ANKRD26: variants seen among roughly 807,000 people sequenced by gnomAD.
The protein encoded by ANKRD26 is ankyrin repeat domain-containing protein 26.
A neutral mutation model predicts 208.7 loss-of-function variants in ANKRD26; 141 were observed. The observed-to-expected ratio is 0.68, with a 90% CI of 0.59 to 0.78. ANKRD26 has a LOEUF of 0.78. ANKRD26 is among the 30% of genes least tolerant of loss of function. ANKRD26 has a pLI of 0.00. For missense variants in ANKRD26, 1,889 were observed against 1,938.7 expected (o/e 0.97, Z 0.48); for synonymous variants, 636 against 660.4 (o/e 0.96, Z 0.57).
chr10:26,952,927 C>T, the ANKRD26 span, among the ~76,000 whole-genome samples: 19 of 152,192 alleles, frequency 1.2e-4, no homozygotes, highest in African/African-American at 4.1e-4. Context: ...CTTAGACAAA[C>T]GAAAAGAGCC....
At position 27,058,937 on chromosome 10, in the gene ANKRD26, C is replaced by T. The variant is rs566171518; in HGVS notation, c.1564+1408G>A. Among the ~76,000 whole-genome samples the T allele has an allele frequency of 3.4e-5, 5 of 148,962 alleles. No homozygotes were observed. In the South Asian group the frequency reaches 1.1e-3, roughly 32 times the overall value. ...TTGTTTTTTTGTTTTTTTTTTCAGA[C>T]GTTGTCTCGCTCTGTCACCCACACT... On this transcript the variant is annotated intron_variant, in intron 15 of 33. Transcript: ENST00000376087.
intron 27 of ANKRD26, among the ~76,000 whole-genome samples, chr10:27,027,177 C>T (rs2053688837): frequency 6.6e-6 from 1 of 152,226 alleles, no homozygotes; most frequent in African/African-American, 2.4e-5. Context: ...CTGTAATGTC[C>T]TGCTGGAGCA....
At position 27,035,605 on chromosome 10, in the gene ANKRD26, C is replaced by T. The variant is rs1422578039; in HGVS notation, c.2845G>A (p.Val949Ile). Residue 949 changes from valine to isoleucine, a missense_variant, in exon 24 of 34, where the codon GTA becomes ATA. By Grantham distance (29) the Val-to-Ile change is conservative. Coordinates refer to ENST00000376087, the MANE Select transcript of ANKRD26 (RefSeq NM_014915.3). ...TGAAGGTCTTCATTCTTTTCTTTTA[C>T]AATTTTAAGGTCCTCAAAACATTTC... The part of the protein sequence containing the change: ...EKKCFEDLKI[V>I]KEKNEDLQKT... 2 of 1,605,612 alleles carry T rather than the reference C, an allele frequency of 1.2e-6. No individual in the cohort carries two copies. The highest frequency in any genetic ancestry group is 1.7e-6 in the Non-Finnish European group (2 of 1,177,304).
chr10:27,041,763 C>T (rs2054247596), intron 20 of ANKRD26, among the ~76,000 whole-genome samples: 1 of 151,652 alleles, frequency 6.6e-6, no homozygotes, highest in Non-Finnish European at 1.5e-5. Flanking sequence ...AATATATAAG[C>T]CCCCAAAGAG....
chr10:26,986,607 T>A (rs2052392438), intron 3 of ANKRD26, among the ~76,000 whole-genome samples: 1 of 151,606 alleles, frequency 6.6e-6, no homozygotes, highest in South Asian at 2.1e-4. Flanking sequence ...ACCCCATCAA[T>A]AAGTGGGCGA....
intron 16 of ANKRD26, chr10:27,051,188 A>G: frequency 7.8e-7 from 1 of 1,289,922 alleles, no homozygotes; most frequent in Non-Finnish European, 1.0e-6. Flanking sequence ...ATGTTCTGTC[A>G]CCACGTGGTG....
At chr10:26,980,840 C>G (rs2052296590) in intron 4 of ANKRD26, among the ~76,000 whole-genome samples, 1 of 151,966 alleles carries the variant, frequency 6.6e-6, no homozygotes, top group African/African-American at 2.4e-5. Context: ...GGGGATGTAC[C>G]TGGAGGTGGG....
intron 4 of ANKRD26, among the ~76,000 whole-genome samples, chr10:27,087,337 C>G (rs1038543005): frequency 6.6e-6 from 1 of 152,160 alleles, no homozygotes; most frequent in African/African-American, 2.4e-5. Flanking sequence ...CAAGATAACA[C>G]TTTTCAAATG....
At chr10:26,990,594 G>C (rs2052468837), downstream of ANKRD26, among the ~76,000 whole-genome samples, 1 of 152,046 alleles carries the variant, frequency 6.6e-6, no homozygotes, top group African/African-American at 2.4e-5. Flanking sequence ...TCTTATAAGG[G>C]GGAAACCTAA....
chr10:27,029,466 A>C, intron 25 of ANKRD26, 110 bp from the exon 26 acceptor site: 1 of 1,002,014 alleles, frequency 1.0e-6, no homozygotes. Context: ...CCCCTTCAAT[A>C]TGCATATTGT....
intron 31 of ANKRD26, 94 bp from the exon 32 acceptor site, chr10:27,013,204 T>C (rs2053177195): frequency 9.4e-7 from 1 of 1,060,712 alleles, no homozygotes; most frequent in Non-Finnish European, 1.4e-6. Flanking sequence ...ACCATAGGAG[T>C]AAATGAAATT....
At chr10:27,010,341 A>G (rs59095692) in intron 32 of ANKRD26, among the ~76,000 whole-genome samples, 145 of 152,340 alleles carry the variant, frequency 9.5e-4, no homozygotes, top group African/African-American at 3.4e-3. Flanking sequence ...AAATCAATTA[A>G]GGAAAAACAT....
chr10:27,087,596 T>G (rs910372259), intron 4 of ANKRD26, among the ~76,000 whole-genome samples: 1 of 152,302 alleles, frequency 6.6e-6, no homozygotes, highest in East Asian at 1.9e-4. Flanking sequence ...TCTCATTAAA[T>G]TAGATAACAT....
chr10:27,067,423 T>TC, intron 9 of ANKRD26, 137 bp from the exon 10 acceptor site: 1 of 989,208 alleles, frequency 1.0e-6, no homozygotes, highest in Non-Finnish European at 1.4e-6. Flanking sequence ...GGGGCATAGT[T>TC]TTTTTTTTTT....
chr10:27,064,971 C>A (rs1279991995), intron 11 of ANKRD26, among the ~76,000 whole-genome samples: 1 of 152,136 alleles, frequency 6.6e-6, no homozygotes, highest in African/African-American at 2.4e-5. Context: ...ATGGTTACCC[C>A]GCTTCCTGCT....
chr10:27,091,236 T>TC (rs2056289584), intron 4 of ANKRD26, among the ~76,000 whole-genome samples: 1 of 152,114 alleles, frequency 6.6e-6, no homozygotes, highest in Non-Finnish European at 1.5e-5. Context: ...ATATTTAGTA[T>TC]CCCCCTTTTT....
intron 31 of ANKRD26, 52 bp downstream of exon 31, chr10:27,014,442 A>G: frequency 7.4e-7 from 1 of 1,349,214 alleles, no homozygotes; most frequent in Non-Finnish European, 1.0e-6. Flanking sequence ...TATGCTTTCA[A>G]GGCAAATTAA....
At position 27,065,739 on chromosome 10, in the gene ANKRD26, A is replaced by AAC. The variant is rs1554788579; in HGVS notation, c.1269+747_1269+748insGT. On this transcript the variant is annotated intron_variant, in intron 11 of 33. Coordinates refer to ENST00000376087, the MANE Select transcript of ANKRD26 (RefSeq NM_014915.3). ...TTCTAAGTTGTCAAAAAACAAAAAA[A>AAC]AAAAACAAAAAAAACTACATTCCAA... Among the ~76,000 whole-genome samples the AAC allele has an allele frequency of 4.7e-5, 7 of 150,110 alleles. No homozygotes were observed. The South Asian group carries it at 1.0e-3, about 22-fold the overall frequency.
At position 27,029,368 on chromosome 10, in the gene ANKRD26, A is replaced by T. The variant is rs759571073; in HGVS notation, c.3808-12T>A. 6.2e-7 allele frequency: 1 copy of T among 1,608,096 alleles called. No homozygotes were observed. Among genetic ancestry groups the T allele is most frequent in the Non-Finnish European group, 8.5e-7 (1 of 1,176,268 alleles). ...TGTGCTTCTTGCAACTAAAACAAAG[A>T]ATAAAAAAAACCCACTTTACTAATA... On this transcript the variant is annotated splice_polypyrimidine_tract_variant and intron_variant, in intron 25 of 33. Transcript: ENST00000376087.
Sources: gnomAD v4.1 joint callset for allele counts (sites outside exome capture counted in the v4.1 genomes callset) on GRCh38, gnomAD v4.1.1 for gene constraint, MANE v1.5 for transcripts, NCBI Gene and HGNC (gene_info 2026-07-23, HGNC 2026-07-21) for gene names.